SLC7A8: variants seen among roughly 807,000 people sequenced by gnomAD.
SLC7A8 encodes the protein solute carrier family 7 member 8, also known as large neutral amino acids transporter small subunit 2.
In SLC7A8, 30 loss-of-function variants were observed where a neutral mutation model predicts 51.2. That is an observed-to-expected ratio of 0.59 (90% CI 0.44 to 0.80). SLC7A8 has a LOEUF of 0.80. Ranked by LOEUF, SLC7A8 falls within the 30% of genes least tolerant of loss-of-function variation. The probability of loss-of-function intolerance (pLI) is 0.00; values close to 1 mark genes in which losing one functional copy is unlikely to be tolerated. For missense variants in SLC7A8, 612 were observed against 674.4 expected (o/e 0.91, Z 1.03); for synonymous variants, 257 against 275.8 (o/e 0.93, Z 0.67).
At chr14:23,144,341 ATTTTTTTTTTT>A (rs67517828) in intron 3 of SLC7A8, among the ~76,000 whole-genome samples, 86 of 114,352 alleles carry the variant, frequency 7.5e-4, no homozygotes, top group African/African-American at 2.6e-3. Flanking sequence ...TTTAAACACA[ATTTTTTTTTTT>A]TTTTTTTTTT....
chr14:23,173,323 G>A (rs1361234326), intron 1 of SLC7A8, among the ~76,000 whole-genome samples: 3 of 152,216 alleles, frequency 2.0e-5, no homozygotes, highest in Non-Finnish European at 2.9e-5. Context: ...GGGCTGTTCA[G>A]AAAAGTCTTC....
chr14:23,136,452 G>C (rs2048690860), intron 7 of SLC7A8, among the ~76,000 whole-genome samples: 2 of 152,284 alleles, frequency 1.3e-5, no homozygotes, highest in South Asian at 4.1e-4. Flanking sequence ...TGCCCAGCTA[G>C]CCGATAACGG....
In SLC7A8 at chr14:23,126,808, C is replaced by A. The variant is rs2048581143; in HGVS notation, c.*369G>T. ...CCACAATGCAGCTCCTGTGGCCTCT[C>A]CTCTCTGAAGGGGCCTCCCTGGGAG... On this transcript the variant is annotated 3_prime_UTR_variant, in exon 11 of 11. Transcript: ENST00000316902. The A allele has an allele frequency of 7.0e-6, 2 of 287,606 alleles. No individual in the cohort carries two copies. Among genetic ancestry groups the A allele is most frequent in the Admixed American group, 9.1e-5 (2 of 22,086 alleles). 17.8% of individuals were successfully genotyped at this position (287,606 alleles called of 1,614,324 possible).
chr14:23,176,669 C>T (rs910823828), intron 1 of SLC7A8, among the ~76,000 whole-genome samples: 3 of 152,048 alleles, frequency 2.0e-5, no homozygotes, highest in African/African-American at 2.4e-5. Context: ...AGGCTGGGCG[C>T]GGTGGCTCAC....
chr14:23,158,591 G>A (rs1211831278), intron 3 of SLC7A8, among the ~76,000 whole-genome samples: 7 of 152,178 alleles, frequency 4.6e-5, no homozygotes, highest in Non-Finnish European at 1.0e-4. Context: ...TGATCCACCC[G>A]CCTCAGCCTC....
intron 1 of SLC7A8, among the ~76,000 whole-genome samples, chr14:23,180,402 G>A (rs1039154114): frequency 3.3e-5 from 5 of 152,304 alleles, no homozygotes; most frequent in African/African-American, 1.2e-4. Flanking sequence ...ACAGCAACTC[G>A]GGAGGGGAAG....
rs1190057588 is a variant in SLC7A8, at chr14:23,182,765, T to A, written c.150A>T (p.Val50=). The change falls in exon 1 of 11, where the codon GTA becomes GTT. Residue 50 remains valine (V), a splice_region_variant and synonymous_variant. Coordinates refer to ENST00000316902, the MANE Select transcript of SLC7A8 (RefSeq NM_012244.4). ...TCCGCGGGAAGGAATGGAACTCACC[T>A]ACGATGATACCACAGGCACTGACCA... is the stretch of plus-strand genomic sequence containing the variant. ...IGLVSACGII[V]GNIIGSGIFV... is the part of the protein sequence containing the mutation. 4.4e-6 allele frequency: 7 copies of A among 1,576,022 alleles called. No individual in the cohort carries two copies. The highest frequency in any genetic ancestry group is 4.1e-5 in the African/African-American group (3 of 73,488).
intron 1 of SLC7A8, among the ~76,000 whole-genome samples, chr14:23,179,041 G>C (rs936917978): frequency 4.0e-5 from 6 of 151,526 alleles, no homozygotes; most frequent in Non-Finnish European, 8.8e-5. Context: ...TTTTTTTTAC[G>C]GACACAATCT....
At chr14:23,155,121 G>T (rs1412800062) in intron 3 of SLC7A8, 1 of 1,513,096 alleles carries the variant, frequency 6.6e-7, no homozygotes, top group South Asian at 1.2e-5. Context: ...TCGCACGATA[G>T]TAACATTTCC....
At chr14:23,166,058 A>T (rs907658424) in intron 2 of SLC7A8, among the ~76,000 whole-genome samples, 1 of 152,166 alleles carries the variant, frequency 6.6e-6, no homozygotes, top group Admixed American at 6.5e-5. Context: ...GTTGTTACAC[A>T]GTTCTGTTTG....
In SLC7A8 at chr14:23,180,379, C is replaced by T. The variant is rs139566335; in HGVS notation, c.151+2385G>A. ...AAGAGGAAAGGGCAGTTCCTCAGCA[C>T]ATCTGTGACTCAACAGCAACTCGGG... On this transcript the variant is annotated intron_variant, in intron 1 of 10. Transcript: ENST00000316902. 2.3e-4 allele frequency among the ~76,000 whole-genome samples: 35 copies of T among 152,338 alleles called. No individual in the cohort carries two copies. The East Asian group carries it at 6.6e-3, about 29-fold the overall frequency.
At chr14:23,180,800 T>C (rs751630254) in intron 1 of SLC7A8, among the ~76,000 whole-genome samples, 4 of 152,078 alleles carry the variant, frequency 2.6e-5, no homozygotes, top group Non-Finnish European at 5.9e-5. Context: ...CCTCTACCCT[T>C]GAATACCTGA....
chr14:23,160,144 T>C (rs952930662), intron 3 of SLC7A8, among the ~76,000 whole-genome samples: 1 of 152,058 alleles, frequency 6.6e-6, no homozygotes, highest in African/African-American at 2.4e-5. Flanking sequence ...AAATGCAGAG[T>C]TGCACAGATG....
chr14:23,154,962 TAAAAA>T (rs201310696), intron 3 of SLC7A8, among the ~76,000 whole-genome samples: 126 of 34,960 alleles, frequency 3.6e-3, no homozygotes, highest in African/African-American at 7.4e-3. Flanking sequence ...AGAAAAACGT[TAAAAA>T]AAAAAAACCC....
intron 1 of SLC7A8, among the ~76,000 whole-genome samples, chr14:23,171,938 C>T (rs2048977169): frequency 1.3e-5 from 2 of 152,196 alleles, no homozygotes; most frequent in African/African-American, 4.8e-5. Context: ...GTGGAAGTCA[C>T]TGCAGAACAC....
At chr14:23,132,585 C>A (rs949154077) in intron 7 of SLC7A8, among the ~76,000 whole-genome samples, 1 of 151,328 alleles carries the variant, frequency 6.6e-6, no homozygotes, top group Non-Finnish European at 1.5e-5. Context: ...AATGAACAAA[C>A]ACAAACAAAA....
intron 3 of SLC7A8, among the ~76,000 whole-genome samples, chr14:23,150,053 T>C (rs1399787137): frequency 1.3e-5 from 2 of 152,196 alleles, no homozygotes; most frequent in South Asian, 2.1e-4. Context: ...ATCCCCATCA[T>C]TAAGCAATGC....
At position 23,128,283 on chromosome 14, in the gene SLC7A8, C is replaced by A; in HGVS notation, c.1264-87G>T. On this transcript the variant is annotated intron_variant, in intron 9 of 10. Transcript: ENST00000316902. This position sits in a 1 kb window ranked among gnomAD's most constrained non-coding sequence, Gnocchi z 4.3. The stretch of plus-strand genomic sequence containing the variant: ...ACTGGGGCATTCTCTCTCTTCTTCA[C>A]CCACAGAGACACATCCTCAAGGGCA... The A allele has an allele frequency of 6.4e-7, 1 of 1,570,836 alleles. No individual in the cohort carries two copies. Among genetic ancestry groups the A allele is most frequent in the Non-Finnish European group, 8.6e-7 (1 of 1,159,072 alleles).
chr14:23,142,029 G>A (rs911965619), intron 4 of SLC7A8, among the ~76,000 whole-genome samples: 18 of 152,336 alleles, frequency 1.2e-4, no homozygotes, highest in East Asian at 3.9e-4. Context: ...ACAAGATAGC[G>A]CAGTGATTTC....
Sources: gnomAD v4.1 joint callset for allele counts (sites outside exome capture counted in the v4.1 genomes callset) on GRCh38, gnomAD v4.1.1 for gene constraint, Gnocchi (gnomAD v3.1) non-coding constraint, MANE v1.5 for transcripts, NCBI Gene and HGNC (gene_info 2026-07-23, HGNC 2026-07-21) for gene names.